TBC1D32: variants seen among roughly 807,000 people sequenced by gnomAD.
TBC1D32 encodes TBC1 domain family member 32.
A neutral mutation model predicts 170.3 loss-of-function variants in TBC1D32; 151 were observed. The observed-to-expected ratio is 0.89, with a 90% CI of 0.78 to 1.01. The LOEUF (loss-of-function observed/expected upper bound fraction) is 1.01. Ranked by LOEUF, TBC1D32 falls within the 50% of genes least tolerant of loss-of-function variation. The pLI is 0.00. For missense variants in TBC1D32, 1,464 were observed against 1,457.1 expected, an observed-to-expected ratio of 1.00 and a Z score of -0.08; for synonymous variants, 498 against 488.0, an observed-to-expected ratio of 1.02 and a Z score of -0.27.
chr6:121,235,659 T>C (rs746761267), intron 20 of TBC1D32, among the ~76,000 whole-genome samples: 8 of 152,226 alleles, frequency 5.3e-5, no homozygotes, highest in Non-Finnish European at 1.2e-4. Context: ...GGCGGAGAAC[T>C]TGACCCAGAC....
At chr6:121,179,777 ACTT>A (rs1362225565) in intron 22 of TBC1D32, among the ~76,000 whole-genome samples, 4 of 152,182 alleles carry the variant, frequency 2.6e-5, no homozygotes, top group Non-Finnish European at 4.4e-5. Flanking sequence ...ACTTATCACT[ACTT>A]ATCAAGTGCT....
intron 25 of TBC1D32, chr6:121,129,818 T>G: frequency 2.5e-6 from 1 of 405,326 alleles, no homozygotes. Flanking sequence ...AATGATTGAG[T>G]AGATACTATT....
chr6:121,150,430 G>A lies in TBC1D32; in HGVS notation c.2773+9580C>T, dbSNP rs759160287. ...CCAGTATTTTATTGAGGATTTTTACGTCGATGTTCATCAAGGATATTGGCC... is the reference window on the plus strand; with the variant it reads ...CCAGTATTTTATTGAGGATTTTTACATCGATGTTCATCAAGGATATTGGCC... On this transcript the variant is annotated intron_variant, in intron 24 of 31. Coordinates refer to ENST00000398212, the MANE Select transcript of TBC1D32 (RefSeq NM_152730.6). 1.2e-4 allele frequency among the ~76,000 whole-genome samples: 18 copies of A among 152,226 alleles called. 1 individual carries two copies. Among genetic ancestry groups the A allele is most frequent in the South Asian group, 1.0e-3 (5 of 4,830 alleles).
intron 21 of TBC1D32, among the ~76,000 whole-genome samples, chr6:121,213,002 C>T (rs1793285658): frequency 6.6e-6 from 1 of 152,090 alleles, no homozygotes; most frequent in African/African-American, 2.4e-5. Flanking sequence ...CTTCAACATC[C>T]TTCGTGTTAA....
intron 27 of TBC1D32, among the ~76,000 whole-genome samples, chr6:121,113,829 T>C (rs1779433854): frequency 6.6e-6 from 1 of 152,218 alleles, no homozygotes; most frequent in Non-Finnish European, 1.5e-5. Flanking sequence ...AATTTTTCTT[T>C]TGTACTTCTG....
At chr6:121,093,884 G>T in intron 30 of TBC1D32, among the ~76,000 whole-genome samples, 1 of 152,188 alleles carries the variant, frequency 6.6e-6, no homozygotes, top group East Asian at 1.9e-4. Flanking sequence ...CAAAGGTATA[G>T]ATGTTATTAT....
intron 20 of TBC1D32, among the ~76,000 whole-genome samples, chr6:121,238,760 T>A (rs1439647403): frequency 6.6e-6 from 1 of 152,104 alleles, no homozygotes; most frequent in Non-Finnish European, 1.5e-5. Flanking sequence ...GGTTTTTCTT[T>A]GTTCCAATGA....
chr6:121,101,245 G>A (rs1205793339), intron 30 of TBC1D32, among the ~76,000 whole-genome samples: 2 of 152,112 alleles, frequency 1.3e-5, no homozygotes, highest in African/African-American at 2.4e-5. Context: ...TATGAGGCCA[G>A]CATCATCCTG....
chr6:121,213,343 T>G (rs918206249), intron 21 of TBC1D32, among the ~76,000 whole-genome samples: 1 of 151,724 alleles, frequency 6.6e-6, no homozygotes, highest in Non-Finnish European at 1.5e-5. Context: ...ATAAACAACT[T>G]CAGAAAAGAT....
chr6:121,119,742 T>A (rs1203578347), intron 26 of TBC1D32, among the ~76,000 whole-genome samples: 1 of 152,140 alleles, frequency 6.6e-6, no homozygotes, highest in African/African-American at 2.4e-5. Flanking sequence ...TCCTCTTTCT[T>A]TAAAGGGATA....
Position 121,242,404 on chromosome 6 carries a change from G to A in TBC1D32, c.2019-65C>T, listed in dbSNP as rs527701079. ...ACTAAAAACTGAAAACAAAGAGTAT[G>A]TCTTAGCTGAGCTTAACCCTGTTTA... On this transcript the variant is annotated intron_variant, in intron 17 of 31. Transcript: ENST00000398212. The A allele has an allele frequency of 6.5e-5, 98 of 1,512,790 alleles. No homozygotes were observed. In the African/African-American group the frequency reaches 1.2e-3, roughly 18 times the overall value. The allele number at this position is 1,512,790 out of a possible 1,614,324, so 93.7% of individuals were successfully genotyped here. A position where few individuals can be genotyped will look rare whatever the true frequency, so the allele number is the denominator to read the frequency against.
rs539841640 is a variant in TBC1D32, at chr6:121,135,516, C to T, written c.2774-3764G>A. On this transcript the variant is annotated intron_variant, in intron 24 of 31. Coordinates refer to ENST00000398212, the MANE Select transcript of TBC1D32 (RefSeq NM_152730.6). The stretch of plus-strand genomic sequence containing the variant: ...ATGAGGTGAGCTTTATGGTTGTCCA[C>T]TTTCTTCCTGGAGGTTTTGCTGAAT... Among the ~76,000 whole-genome samples, 11 of 152,276 alleles carry T rather than the reference C, an allele frequency of 7.2e-5. No individual in the cohort carries two copies. In the East Asian group the frequency reaches 2.1e-3, roughly 29 times the overall value.
intron 21 of TBC1D32, among the ~76,000 whole-genome samples, chr6:121,205,628 G>A (rs1008996077): frequency 6.6e-6 from 1 of 152,188 alleles, no homozygotes; most frequent in African/African-American, 2.4e-5. Context: ...GAGACTATCT[G>A]CCTCATGTAA....
intron 25 of TBC1D32, among the ~76,000 whole-genome samples, chr6:121,127,034 T>A (rs1367138686): frequency 6.6e-6 from 1 of 152,166 alleles, no homozygotes; most frequent in Non-Finnish European, 1.5e-5. Flanking sequence ...GAAATGGATA[T>A]AAACAGGTAC....
chr6:121,190,073 GACACACACACAC>G (rs533974518), intron 22 of TBC1D32, among the ~76,000 whole-genome samples: 10,712 of 63,402 alleles, frequency 0.17, 996 homozygotes, highest in African/African-American at 0.18. Context: ...GCCCAATACA[GACACACACACAC>G]ACACACACAC....
In TBC1D32 at chr6:121,322,072, T is replaced by A. The variant is rs1411538653; in HGVS notation, c.156-278A>T. On this transcript the variant is annotated intron_variant, in intron 1 of 31. Transcript: ENST00000398212. The stretch of plus-strand genomic sequence containing the variant: ...GTTAGAAGTCTCTTTACATTTCTTT[T>A]TTATGCTCCTATCTTTAACATGTGA... 3.9e-5 allele frequency among the ~76,000 whole-genome samples: 6 copies of A among 152,312 alleles called. 2 individuals carry two copies. The highest frequency in any genetic ancestry group is 3.9e-4 in the Admixed American group (6 of 15,306).
intron 30 of TBC1D32, among the ~76,000 whole-genome samples, chr6:121,097,838 C>T (rs1777596079): frequency 1.3e-5 from 2 of 152,072 alleles, no homozygotes; most frequent in South Asian, 2.1e-4. Context: ...AAATGTGGCA[C>T]ATATACACCA....
At chr6:121,277,484 T>A (rs1802376373) in intron 15 of TBC1D32, among the ~76,000 whole-genome samples, 1 of 63,558 alleles carries the variant, frequency 1.6e-5, no homozygotes, top group African/African-American at 1.1e-4. Context: ...AAAGACTCCA[T>A]CTCAAAAAAA....
intron 1 of TBC1D32, among the ~76,000 whole-genome samples, chr6:121,323,561 A>G (rs577190709): frequency 2.0e-5 from 3 of 152,270 alleles, no homozygotes; most frequent in Non-Finnish European, 2.9e-5. Context: ...TAATCAATCA[A>G]ATCTCTTTAT....
Sources: allele counts gnomAD v4.1 joint callset (sites outside exome capture counted in the v4.1 genomes callset), GRCh38; gene constraint gnomAD v4.1.1; transcripts MANE v1.5; gene names NCBI Gene and HGNC (gene_info 2026-07-23, HGNC 2026-07-21).